Variants in KLHL18 observed in about 807,000 individuals in gnomAD.
KLHL18 encodes the protein kelch like family member 18.
In KLHL18, 38 loss-of-function variants were observed where a neutral mutation model predicts 58.5. The observed-to-expected ratio is 0.65, with a 90% confidence interval of 0.50 to 0.85. KLHL18 has a LOEUF of 0.85. KLHL18 is among the 40% of genes least tolerant of loss of function. The pLI is 0.00. For missense variants in KLHL18, 624 were observed against 778.4 expected (o/e 0.80, Z 2.36); for synonymous variants, 303 against 301.9 (o/e 1.00, Z -0.04).
Position 47,283,468 on chromosome 3 carries a change from G to A in KLHL18, c.129+374G>A, listed in dbSNP as rs532886666. 60 of 271,190 alleles carry A rather than the reference G, an allele frequency of 2.2e-4. No homozygotes were observed. The East Asian group carries it at 4.7e-3, about 21-fold the overall frequency. The allele number at this position is 271,190 out of a possible 1,614,324, so 16.8% of individuals were successfully genotyped here. On this transcript the variant is annotated intron_variant, in intron 1 of 9. Coordinates refer to ENST00000232766, the MANE Select transcript of KLHL18 (RefSeq NM_025010.5). ...GGGCACCACTGAAGAACCTTCTCTT[G>A]TCACTACAGATATTTCTTTGTGCCT... is the stretch of plus-strand genomic sequence containing the variant.
In KLHL18 at chr3:47,343,989, C is replaced by T. The variant is rs375920495; in HGVS notation, c.*48C>T. 33 of 1,589,252 alleles carry T rather than the reference C, an allele frequency of 2.1e-5. No individual in the cohort carries two copies. Among genetic ancestry groups the T allele is most frequent in the South Asian group, 5.6e-5 (5 of 89,636 alleles). ...GGCAGGGATCTGGTACAGACATAGGCGCTTCCTTCCAGGAACAGTCCCTCA... is the reference window on the plus strand; with the variant it reads ...GGCAGGGATCTGGTACAGACATAGGTGCTTCCTTCCAGGAACAGTCCCTCA... On this transcript the variant is annotated 3_prime_UTR_variant, in exon 10 of 10. Coordinates refer to ENST00000232766, the MANE Select transcript of KLHL18 (RefSeq NM_025010.5).
At chr3:47,316,763 G>T (rs1703462181) in intron 1 of KLHL18, among the ~76,000 whole-genome samples, 1 of 135,938 alleles carries the variant, frequency 7.4e-6, no homozygotes, top group South Asian at 2.1e-4. Flanking sequence ...GTATATGTGT[G>T]TGTATATATA....
At chr3:47,323,220 C>T (rs768756622) in intron 3 of KLHL18, among the ~76,000 whole-genome samples, 3 of 152,022 alleles carry the variant, frequency 2.0e-5, no homozygotes, top group Non-Finnish European at 4.4e-5. Flanking sequence ...TCCCGAGTAG[C>T]TGGAACTACA....
chr3:47,283,083 G>T lies in KLHL18; in HGVS notation c.118G>T (p.Val40Leu), dbSNP rs1293369785. Residue 40 changes from valine (V) to leucine (L), a missense_variant, in exon 1 of 10, where the codon GTG becomes TTG. By Grantham distance (32) the Val-to-Leu change is conservative. Coordinates refer to ENST00000232766, the MANE Select transcript of KLHL18 (RefSeq NM_025010.5). ...EIRRQGKLCDVTLKIGDHKFS... is the reference protein window; with the variant it reads ...EIRRQGKLCDLTLKIGDHKFS... ...CCGGCGGCAGGGCAAGCTGTGCGAC[G>T]TGACCCTCAAGGTACCGCGGACTGG... 3 of 1,582,400 alleles carry T rather than the reference G, an allele frequency of 1.9e-6. No individual in the cohort carries two copies. The Admixed American group carries it at 5.5e-5, about 29-fold the overall frequency.
chr3:47,339,442 T>C (rs1310465882), intron 7 of KLHL18, among the ~76,000 whole-genome samples: 3 of 147,732 alleles, frequency 2.0e-5, no homozygotes, highest in Non-Finnish European at 4.4e-5. Flanking sequence ...CTGTGAACCA[T>C]CATTGTGCTA....
Position 47,334,286 on chromosome 3 carries a change from C to T in KLHL18, c.762-397C>T, listed in dbSNP as rs1703934498. On this transcript the variant is annotated intron_variant, in intron 5 of 9. Transcript: ENST00000232766. The surrounding 1 kb of genome is among the most constrained non-coding windows in gnomAD (Gnocchi z 4.7). ...GGCAGGGAAATGTGTCAGGAGCTGC[C>T]ACCGTGGAGATGAGTGGTGATTAAT... is the stretch of plus-strand genomic sequence containing the variant. 6.6e-6 allele frequency among the ~76,000 whole-genome samples: 1 copy of T among 152,056 alleles called. No homozygotes were observed. Among genetic ancestry groups the T allele is most frequent in the African/African-American group, 2.4e-5 (1 of 41,402 alleles).
intron 4 of KLHL18, among the ~76,000 whole-genome samples, chr3:47,330,898 A>G (rs571869762): frequency 4.6e-5 from 7 of 151,796 alleles, no homozygotes; most frequent in Admixed American, 4.6e-4. Context: ...TGCCAGGCTA[A>G]TTTTTATACT....
At chr3:47,337,235 A>G (rs1186296811) in intron 7 of KLHL18, 1 of 175,260 alleles carries the variant, frequency 5.7e-6, no homozygotes, top group Non-Finnish European at 1.2e-5. Flanking sequence ...CCTGGGGAGA[A>G]TACGAACCAA....
chr3:47,308,454 G>A (rs1302374241), intron 1 of KLHL18, among the ~76,000 whole-genome samples: 9 of 152,086 alleles, frequency 5.9e-5, no homozygotes, highest in Non-Finnish European at 7.4e-5. Flanking sequence ...GCAATGGCAC[G>A]ATCTTGGCTC....
In KLHL18 at chr3:47,330,098, C is replaced by T. The variant is rs977215256; in HGVS notation, c.549C>T (p.Asp183=). Residue 183 remains aspartate, a synonymous_variant, in exon 4 of 10, where the codon GAC becomes GAT. Transcript: ENST00000232766. ...AGTTCCTGGCCCTGCCCTTGGAAGA[C>T]GTGCTTGAGCTGGTGTCTCGGGATG... ...SEEFLALPLE[D]VLELVSRDEL... The T allele has an allele frequency of 8.7e-6, 14 of 1,613,950 alleles. No homozygotes were observed. The highest frequency in any genetic ancestry group is 1.3e-5 in the African/African-American group (1 of 74,900).
At chr3:47,306,252 C>CT (rs755624459) in intron 1 of KLHL18, among the ~76,000 whole-genome samples, 2 of 151,854 alleles carry the variant, frequency 1.3e-5, no homozygotes, top group Non-Finnish European at 1.5e-5. Context: ...ATTTCCGTTC[C>CT]TTTTTTAGAG....
chr3:47,325,929 G>C (rs918867730), intron 3 of KLHL18, among the ~76,000 whole-genome samples: 5 of 151,064 alleles, frequency 3.3e-5, no homozygotes, highest in Non-Finnish European at 5.9e-5. Context: ...CACCATGCCC[G>C]GCTAATTTTT....
chr3:47,294,334 A>T (rs1702852665), intron 1 of KLHL18, among the ~76,000 whole-genome samples: 2 of 152,282 alleles, frequency 1.3e-5, no homozygotes, highest in South Asian at 4.1e-4. Flanking sequence ...TGCAGCAGTG[A>T]GCAGAGTAGG....
At chr3:47,330,207 A>G in intron 4 of KLHL18, 58 bp downstream of exon 4, 2 of 1,477,062 alleles carry the variant, frequency 1.4e-6, no homozygotes, top group Admixed American at 1.8e-5. Flanking sequence ...CTTTATAGTC[A>G]TTGTTTTGTT....
intron 1 of KLHL18, among the ~76,000 whole-genome samples, chr3:47,287,036 G>A (rs1030090382): frequency 6.6e-6 from 1 of 152,182 alleles, no homozygotes; most frequent in Non-Finnish European, 1.5e-5. Flanking sequence ...AGAGGAAACT[G>A]GTACCTCCAG....
At chr3:47,328,826 G>A (rs868549130) in intron 3 of KLHL18, among the ~76,000 whole-genome samples, 1 of 152,190 alleles carries the variant, frequency 6.6e-6, no homozygotes, top group South Asian at 2.1e-4. Flanking sequence ...GTTTCTGCTT[G>A]TCTGAACAAT....
chr3:47,320,059 G>A (rs1703550064), intron 2 of KLHL18, among the ~76,000 whole-genome samples: 1 of 150,420 alleles, frequency 6.6e-6, no homozygotes, highest in African/African-American at 2.4e-5. Context: ...TTTTGACTGG[G>A]GCTGGGTTTA....
At chr3:47,286,476 A>C (rs959094019) in intron 1 of KLHL18, among the ~76,000 whole-genome samples, 2 of 152,158 alleles carry the variant, frequency 1.3e-5, no homozygotes, top group Non-Finnish European at 2.9e-5. Context: ...TTTGGGTGTG[A>C]GATGTTTTCT....
chr3:47,310,215 G>A (rs1703266210), intron 1 of KLHL18, among the ~76,000 whole-genome samples: 1 of 152,164 alleles, frequency 6.6e-6, no homozygotes, highest in Admixed American at 6.5e-5. Flanking sequence ...CCTGTGGTAG[G>A]GAACAGAATT....
Sources: allele counts gnomAD v4.1 joint callset (sites outside exome capture counted in the v4.1 genomes callset), GRCh38; gene constraint gnomAD v4.1.1; non-coding constraint Gnocchi (gnomAD v3.1); transcripts MANE v1.5; gene names NCBI Gene and HGNC (gene_info 2026-07-23, HGNC 2026-07-21).